TASOR2: variants seen among roughly 807,000 people sequenced by gnomAD.
The protein encoded by TASOR2 is protein TASOR 2.
A neutral mutation model predicts 199.5 loss-of-function variants in TASOR2; 84 were observed. The ratio of observed to expected loss-of-function variants is 0.42; its 90% CI spans 0.35 to 0.50. The LOEUF (loss-of-function observed/expected upper bound fraction) is 0.50. Ranked by LOEUF, TASOR2 falls within the 20% of genes least tolerant of loss-of-function variation. The pLI is 0.02. For synonymous variants in TASOR2, 1,103 were observed against 1,046.6 expected, an observed-to-expected ratio of 1.05 and a Z score of -1.04; for missense variants, 2,796 against 2,835.9, an observed-to-expected ratio of 0.99 and a Z score of 0.32.
chr10:5,720,749 T>C lies in TASOR2; in HGVS notation c.27-6T>C. 1 of 1,613,652 alleles carries C rather than the reference T, an allele frequency of 6.2e-7. No homozygotes were observed. Among genetic ancestry groups the C allele is most frequent in the South Asian group, 1.1e-5 (1 of 91,006 alleles). On this transcript the variant is annotated splice_polypyrimidine_tract_variant and splice_region_variant and intron_variant, in intron 4 of 20. Coordinates refer to ENST00000328090, the Ensembl canonical transcript of TASOR2. The surrounding 1 kb of genome is among the most constrained non-coding windows in gnomAD (Gnocchi z 5.3). ...AACATGTTCTTTTTCTTTCTTTTTC[T>C]GCTAGACTTGAACGCAGTGAAAATG...
chr10:5,728,513 C>T (rs886955940), intron 10 of TASOR2, among the ~76,000 whole-genome samples: 3 of 151,556 alleles, frequency 2.0e-5, no homozygotes, highest in Non-Finnish European at 2.9e-5. Context: ...GTATGTGCCT[C>T]TAGTTCCAGC....
chr10:5,746,047 C>A, intron 14 of TASOR2, 132 bp from the exon 16 acceptor site: 1 of 1,040,424 alleles, frequency 9.6e-7, no homozygotes, highest in Non-Finnish European at 1.3e-6. Flanking sequence ...ATTCTTTTAG[C>A]TAGAAAATTC....
At chr10:5,747,030 G>A in exon 15 of TASOR2, 1 of 1,614,122 alleles carries the variant, frequency 6.2e-7, no homozygotes. Context: ...AACTGACACA[G>A]GTTGAAGTGG....
chr10:5,696,054 C>T (rs57103262), intron 1 of TASOR2, among the ~76,000 whole-genome samples: 10,178 of 152,140 alleles, frequency 0.067, 935 homozygotes, highest in East Asian at 0.44. Context: ...CTAGGAGGCT[C>T]CAGATGGTTA....
At chr10:5,727,257 G>C in intron 10 of TASOR2, 134 bp downstream of exon 11, 1 of 879,760 alleles carries the variant, frequency 1.1e-6, no homozygotes, top group East Asian at 2.6e-5. Flanking sequence ...AACATCACTG[G>C]TTCACCCTTC....
At chr10:5,727,237 C>T in intron 10 of TASOR2, 114 bp downstream of exon 11, 1 of 1,078,434 alleles carries the variant, frequency 9.3e-7, no homozygotes, top group Non-Finnish European at 1.4e-6. Context: ...TCTTAAATAC[C>T]TCTTTTCTTA....
rs934551992 is a variant in TASOR2 at position 5,685,012 on chromosome 10, C to G, written c.-451C>G. The G allele has an allele frequency of 7.5e-6, 3 of 397,668 alleles. No homozygotes were observed. The highest frequency in any genetic ancestry group is 1.3e-5 in the Non-Finnish European group (3 of 225,474). 24.6% of individuals were successfully genotyped at this position (397,668 alleles called of 1,614,324 possible). ...CGGGGCTGGGGCGGACGGCGTGCCC[C>G]TGAGGGGGGTCCCCGCGGGAGCGCG... is the stretch of plus-strand genomic sequence containing the variant. On this transcript the variant is annotated 5_prime_UTR_variant, in exon 1 of 21. Coordinates refer to ENST00000328090, the Ensembl canonical transcript of TASOR2. This position sits in a 1 kb window ranked among gnomAD's most constrained non-coding sequence, Gnocchi z 5.4.
rs536645317 is a variant in TASOR2, at chr10:5,730,872, A to G, written c.873A>G (p.Ser291=). 10 of 1,614,098 alleles carry G rather than the reference A, an allele frequency of 6.2e-6. No homozygotes were observed. In the African/African-American group the frequency reaches 6.7e-5, roughly 11 times the overall value. Residue 291 remains serine (S), a synonymous_variant, in exon 11 of 21, where the codon TCA becomes TCG. Transcript: ENST00000328090. The surrounding 1 kb of genome is among the most constrained non-coding windows in gnomAD (Gnocchi z 4.1). ...AGCATCCTCAGTCTCCTTGTGTTTC[A>G]GACGGAATTTGTGATGCTGGATTTT... is the stretch of plus-strand genomic sequence containing the variant.
intron 6 of TASOR2, 92 bp downstream of exon 7, chr10:5,721,062 T>TA (rs1222735068): frequency 7.6e-6 from 7 of 925,164 alleles, no homozygotes; most frequent in Admixed American, 7.0e-5. Context: ...GGCATTGGTG[T>TA]AAAATACAGC....
chr10:5,729,068 G>A (rs1834441602), intron 10 of TASOR2, among the ~76,000 whole-genome samples: 1 of 152,194 alleles, frequency 6.6e-6, no homozygotes, highest in Admixed American at 6.5e-5. Context: ...AAAAAGAGTG[G>A]CCGGGCATAG....
intron 11 of TASOR2, 116 bp from the exon 13 acceptor site, chr10:5,735,188 C>T: frequency 5.9e-6 from 7 of 1,186,208 alleles, no homozygotes; most frequent in East Asian, 2.4e-5. Flanking sequence ...TAGTTTATTC[C>T]CCATTACTAA....
Position 5,720,223 on chromosome 10 carries a change from C to T in TASOR2, c.-99-321C>T, listed in dbSNP as rs180837903. The stretch of plus-strand genomic sequence containing the variant: ...TCCTAGAGTAAAGGTTATTGCTATT[C>T]GAAGGCATCTGATTAGTTTTAATAT... On this transcript the variant is annotated intron_variant, in intron 3 of 20. Coordinates refer to ENST00000328090, the Ensembl canonical transcript of TASOR2. This position sits in a 1 kb window ranked among gnomAD's most constrained non-coding sequence, Gnocchi z 5.3. The T allele has an allele frequency of 5.1e-4, 497 of 981,252 alleles. No individual in the cohort carries two copies. The highest frequency in any genetic ancestry group is 1.0e-3 in the Middle Eastern group (2 of 1,912). The allele number at this position is 981,252 out of a possible 1,614,324, so 60.8% of individuals were successfully genotyped here.
chr10:5,702,597 G>A (rs1386775854), intron 1 of TASOR2, among the ~76,000 whole-genome samples: 20 of 143,320 alleles, frequency 1.4e-4, no homozygotes, highest in African/African-American at 5.1e-5. Flanking sequence ...TAATGGAAGA[G>A]TTTTTATTAT....
chr10:5,757,547 T>G lies in TASOR2; in HGVS notation c.6760T>G (p.Phe2254Val), dbSNP rs775566678. The change falls in exon 17 of 21, where the codon TTC (phenylalanine) becomes GTC (valine). Residue 2254 changes from phenylalanine to valine, a missense_variant. Transcript: ENST00000328090. ...TCCTTCTTTGCTGAAGCTGAAGCATTTCCCCAGTGTCATCTTTGCTGGAGT... is the reference window on the plus strand; with the variant it reads ...TCCTTCTTTGCTGAAGCTGAAGCATGTCCCCAGTGTCATCTTTGCTGGAGT... 1.9e-6 allele frequency: 3 copies of G among 1,607,794 alleles called. No homozygotes were observed. In the Admixed American group the frequency reaches 5.1e-5, roughly 28 times the overall value.
rs774456534 is a variant in TASOR2, at chr10:5,748,431, T to C, written c.5010T>C (p.Tyr1670=). ...CAGACAATGCTACATTAACCCATTATGTAAGACCAATAAATGCAGAGCCAG... is the reference window on the plus strand; with the variant it reads ...CAGACAATGCTACATTAACCCATTACGTAAGACCAATAAATGCAGAGCCAG... Residue 1670 remains tyrosine (Y), a synonymous_variant, in exon 15 of 21, where the codon TAT becomes TAC. Transcript: ENST00000328090. The surrounding 1 kb of genome is among the most constrained non-coding windows in gnomAD (Gnocchi z 5.1). The C allele has an allele frequency of 8.1e-6, 13 of 1,614,126 alleles. No homozygotes were observed. In the African/African-American group the frequency reaches 1.2e-4, roughly 15 times the overall value.
exon 18 of TASOR2, chr10:5,758,900 A>G (rs765775285): frequency 8.1e-6 from 13 of 1,612,826 alleles, no homozygotes; most frequent in Non-Finnish European, 1.1e-5. Flanking sequence ...AACTGAAGGA[A>G]ATTATCAAAA....
At position 5,720,719 on chromosome 10, in the gene TASOR2, T is replaced by A; in HGVS notation, c.27-36T>A. 3 of 1,613,958 alleles carry A rather than the reference T, an allele frequency of 1.9e-6. No individual in the cohort carries two copies. Among genetic ancestry groups the A allele is most frequent in the Non-Finnish European group, 2.5e-6 (3 of 1,179,938 alleles). ...TTTACTGAATTTGTTCCTTTTACTCTTGTAAACATGTTCTTTTTCTTTCTT... is the reference window on the plus strand; with the variant it reads ...TTTACTGAATTTGTTCCTTTTACTCATGTAAACATGTTCTTTTTCTTTCTT... On this transcript the variant is annotated intron_variant, in intron 4 of 20. Transcript: ENST00000328090. This position sits in a 1 kb window ranked among gnomAD's most constrained non-coding sequence, Gnocchi z 5.3.
At position 5,699,739 on chromosome 10, in the gene TASOR2, TA is replaced by T; in HGVS notation, c.-287-13082del. 1.2e-6 allele frequency: 1 copy of T among 835,040 alleles called. No homozygotes were observed. The highest frequency in any genetic ancestry group is 1.4e-6 in the Non-Finnish European group (1 of 693,044). 51.7% of individuals were successfully genotyped at this position (835,040 alleles called of 1,614,324 possible). On this transcript the variant is annotated intron_variant, in intron 1 of 20. Coordinates refer to ENST00000328090, the Ensembl canonical transcript of TASOR2. The surrounding 1 kb of genome is among the most constrained non-coding windows in gnomAD (Gnocchi z 4.1). ...TAAAAGTAGAAATGAAATTTTATGG[TA>T]AGTATATTTTACCACAATTTTGATA...
chr10:5,730,656 C>G lies in TASOR2; in HGVS notation c.657C>G (p.Ser219Arg). The change falls in exon 11 of 21, where the codon AGC becomes AGG. Residue 219 changes from serine (S) to arginine (R), a missense_variant. This residue lies in a region of TASOR2 where 847 missense variants were observed against 887.4 expected (regional missense o/e 0.95). Coordinates refer to ENST00000328090, the Ensembl canonical transcript of TASOR2. The surrounding 1 kb of genome is among the most constrained non-coding windows in gnomAD (Gnocchi z 4.1). Reference sequence around the variant, plus strand: ...AAGAATTGTACAAGGCGGACAGAAGCCCTTCATTGAGTGTTGCTCCTCAGG... The same window carrying G: ...AAGAATTGTACAAGGCGGACAGAAGGCCTTCATTGAGTGTTGCTCCTCAGG... 6.2e-7 allele frequency: 1 copy of G among 1,614,198 alleles called. No individual in the cohort carries two copies. The highest frequency in any genetic ancestry group is 8.5e-7 in the Non-Finnish European group (1 of 1,180,040).
Sources: gnomAD v4.1 joint callset for allele counts (sites outside exome capture counted in the v4.1 genomes callset) on GRCh38, gnomAD v4.1.1 for gene constraint, gnomAD v4.1.1 regional missense constraint, Gnocchi (gnomAD v3.1) non-coding constraint, MANE v1.5 for transcripts, NCBI Gene and HGNC (gene_info 2026-07-23, HGNC 2026-07-21) for gene names.